IRF3: variants seen among roughly 807,000 people sequenced by gnomAD.
IRF3 encodes interferon regulatory factor 3.
A neutral mutation model predicts 43.2 loss-of-function variants in IRF3; 29 were observed. The observed-to-expected ratio is 0.67, with a 90% CI of 0.50 to 0.91. IRF3 has a LOEUF of 0.91. Ranked by LOEUF, IRF3 falls within the 40% of genes least tolerant of loss-of-function variation. The pLI, the probability that IRF3 is intolerant of heterozygous loss-of-function variation, is 0.00. For synonymous variants in IRF3, 228 were observed against 233.9 expected, an observed-to-expected ratio of 0.97 and a Z score of 0.23; for missense variants, 505 against 559.1, an observed-to-expected ratio of 0.90 and a Z score of 0.98.
chr19:49,665,299 G>A (rs2081628040), intron 1 of IRF3: 2 of 173,968 alleles, frequency 1.1e-5, no homozygotes, highest in South Asian at 2.5e-4. Flanking sequence ...TTCCAACACA[G>A]AACTTCCATT....
rs2304206 is a variant in IRF3, at chr19:49,665,614, G to A, written c.-9+17C>T. On this transcript the variant is annotated intron_variant, in intron 1 of 7. Transcript: ENST00000377139. Reference sequence around the variant, plus strand: ...TCTCGGACGCCACCAACGCTCTCCCGGGCTCTTCCGCGTTACCTACGATGG... The same window carrying A: ...TCTCGGACGCCACCAACGCTCTCCCAGGCTCTTCCGCGTTACCTACGATGG... The A allele has an allele frequency of 0.29, 177,565 of 604,954 alleles. 29,952 individuals are homozygous for A. Among genetic ancestry groups the A allele is most frequent in the African/African-American group, 0.62 (33,386 of 53,998 alleles). 37.5% of individuals were successfully genotyped at this position (604,954 alleles called of 1,614,324 possible).
rs530788304 is a variant in IRF3 at position 49,665,681 on chromosome 19, G to A, written c.-59C>T. On this transcript the variant is annotated 5_prime_UTR_variant, in exon 1 of 8. Coordinates refer to ENST00000377139, the MANE Select transcript of IRF3 (RefSeq NM_001571.6). ...GGCAGCTGGAACCCACCCCTGTCTT[G>A]GAGCTCCGGGTAGCTCTCAAACTCG... 1.8e-5 allele frequency: 21 copies of A among 1,165,470 alleles called. No homozygotes were observed. The highest frequency in any genetic ancestry group is 4.8e-5 in the East Asian group (2 of 41,654). The allele number at this position is 1,165,470 out of a possible 1,614,324, so 72.2% of individuals were successfully genotyped here.
At chr19:49,660,268 G>A (rs1482300218) in intron 7 of IRF3, among the ~76,000 whole-genome samples, 1 of 152,148 alleles carries the variant, frequency 6.6e-6, no homozygotes, top group Non-Finnish European at 1.5e-5. Flanking sequence ...ACAGCAGGAT[G>A]TGAGCAGCGG....
At chr19:49,662,766 G>A (rs1232777320) in intron 4 of IRF3, 149 bp from the exon 5 acceptor site, 2 of 669,122 alleles carry the variant, frequency 3.0e-6, no homozygotes, top group Admixed American at 3.2e-5. Context: ...AGCCAGCCAT[G>A]GCATCAACAG....
intron 4 of IRF3, 84 bp from the exon 5 acceptor site, chr19:49,662,701 C>T (rs759607894): frequency 6.6e-5 from 76 of 1,148,712 alleles, no homozygotes; most frequent in Middle Eastern, 2.0e-4. Flanking sequence ...TTCTCAGCAA[C>T]GCAGGGAGGT....
intron 7 of IRF3, among the ~76,000 whole-genome samples, chr19:49,660,459 G>A (rs1326885796): frequency 3.3e-5 from 5 of 152,150 alleles, no homozygotes; most frequent in South Asian, 4.1e-4. Flanking sequence ...CTCCCTGTCC[G>A]TGGAAATATT....
chr19:49,664,480 C>G, intron 2 of IRF3, 194 bp downstream of exon 2: 1 of 1,543,408 alleles, frequency 6.5e-7, no homozygotes, highest in Non-Finnish European at 8.7e-7. Context: ...CCTGCAGCTC[C>G]AACCCTGCTT....
intron 7 of IRF3, among the ~76,000 whole-genome samples, chr19:49,660,034 G>A (rs2081243624): frequency 2.8e-5 from 2 of 71,422 alleles, no homozygotes; most frequent in African/African-American, 1.5e-4. Flanking sequence ...CACACCCCCT[G>A]CTGTAACTGA....
rs764508746 is a variant in IRF3 at position 49,662,346 on chromosome 19, C to A, written c.602-18G>T. 6.2e-7 allele frequency: 1 copy of A among 1,611,314 alleles called. No homozygotes were observed. The highest frequency in any genetic ancestry group is 8.5e-7 in the Non-Finnish European group (1 of 1,178,174). On this transcript the variant is annotated intron_variant, in intron 5 of 7. Transcript: ENST00000377139. ...CTCCCACTCTGAGCAGCGGCAGCAGCGGCATGAAGGGGAGAGGGGTTGAGA... is the reference window on the plus strand; with the variant it reads ...CTCCCACTCTGAGCAGCGGCAGCAGAGGCATGAAGGGGAGAGGGGTTGAGA...
Position 49,659,611 on chromosome 19 carries a change from A to G in IRF3, c.*37T>C, listed in dbSNP as rs1447160160. On this transcript the variant is annotated 3_prime_UTR_variant, in exon 8 of 8. Transcript: ENST00000377139. ...AGTTTATTGGTTGAGGTGGTGGGGA[A>G]CAGGGGGGTTGGAGGCACACCATGA... 6 of 1,587,064 alleles carry G rather than the reference A, an allele frequency of 3.8e-6. No homozygotes were observed. Among genetic ancestry groups the G allele is most frequent in the Non-Finnish European group, 5.1e-6 (6 of 1,166,854 alleles).
chr19:49,660,025 A>ACACACACACACACACC (rs1568451939), intron 7 of IRF3, among the ~76,000 whole-genome samples, 192 bp from the exon 8 acceptor site: 2 of 110,190 alleles, frequency 1.8e-5, no homozygotes, highest in African/African-American at 9.5e-5. Context: ...ACACACACAC[A>ACACACACACACACACC]CACCCCCTGC....
At chr19:49,660,916 C>T (rs2122594368) in intron 6 of IRF3, 88 bp from the exon 7 acceptor site, 2 of 1,460,826 alleles carry the variant, frequency 1.4e-6, no homozygotes, top group East Asian at 2.5e-5. Context: ...CCCACCACCT[C>T]CCCTGACCTA....
rs1393707633 is a variant in IRF3, at chr19:49,662,540, T to C, written c.486A>G (p.Val162=). The part of the protein sequence containing the change: ...LPDPGPPSLA[V]APEPCPQPLR... ...GGGGCTGAGGGCAGGGCTCAGGGGC[T>C]ACAGCCAGGCTTGGGGGTCCCGGAT... The change falls in exon 5 of 8, where the codon GTA becomes GTG. Residue 162 remains valine, a synonymous_variant. Transcript: ENST00000377139. 6.5e-7 allele frequency: 1 copy of C among 1,534,882 alleles called. No homozygotes were observed. Among genetic ancestry groups the C allele is most frequent in the Non-Finnish European group, 8.7e-7 (1 of 1,145,280 alleles).
chr19:49,665,112 ATAGACC>A (rs2081608836), intron 1 of IRF3: 1 of 436,792 alleles, frequency 2.3e-6, no homozygotes, highest in Non-Finnish European at 4.1e-6. Context: ...TTCCGCCAGT[ATAGACC>A]TCCTCCCTCC....
Position 49,662,423 on chromosome 19 carries a change from ACCTT to A in IRF3, c.599_601+1del, listed in dbSNP as rs1291889279. On this transcript the variant is annotated splice_donor_variant and coding_sequence_variant, in exon 5 of 8. Transcript: ENST00000377139. LOFTEE classifies it high-confidence loss of function. ...CCCTCCCAGCCTGCAGCTGACACTC[ACCTT>A]CCCCCGGCACCAACAGCCGCTTCAG... 2.5e-6 allele frequency: 4 copies of A among 1,591,644 alleles called. No individual in the cohort carries two copies. Among genetic ancestry groups the A allele is most frequent in the Non-Finnish European group, 3.4e-6 (4 of 1,168,818 alleles).
chr19:49,665,592 C>CT, intron 1 of IRF3, 39 bp downstream of exon 1: 1 of 544,094 alleles, frequency 1.8e-6, no homozygotes, highest in South Asian at 2.4e-5. Flanking sequence ...TCCTCGCTCT[C>CT]GGACGCCACC....
At chr19:49,660,560 A>C (rs947451409) in intron 7 of IRF3, among the ~76,000 whole-genome samples, 153 bp downstream of exon 7, 2 of 152,084 alleles carry the variant, frequency 1.3e-5, no homozygotes, top group Non-Finnish European at 2.9e-5. Context: ...AGGCCATGGG[A>C]AGGAGCTCCC....
chr19:49,660,016 CACACACACACA>C (rs2081226361), intron 7 of IRF3, among the ~76,000 whole-genome samples, 183 bp from the exon 8 acceptor site: 3 of 123,572 alleles, frequency 2.4e-5, no homozygotes, highest in African/African-American at 8.1e-5. Flanking sequence ...CACACACACA[CACACACACACA>C]CCCCCTGCTG....
Position 49,660,813 on chromosome 19 carries a change from G to C in IRF3, c.998C>G (p.Thr333Arg). ...GPFIVDLITF[T>R]EGSGRSPRYA... ...GCGTGGTGAGCGTCCGCTTCCTTCC[G>C]TGAAGGTAATCAGATCTGGGGGCCC... is the stretch of plus-strand genomic sequence containing the variant. The change falls in exon 7 of 8, where the codon ACG becomes AGG. Residue 333 changes from threonine (T) to arginine (R), a missense_variant. By Grantham distance (71) the Thr-to-Arg change is moderately conservative (BLOSUM62 -1). Coordinates refer to ENST00000377139, the MANE Select transcript of IRF3 (RefSeq NM_001571.6). The C allele has an allele frequency of 6.2e-7, 1 of 1,602,704 alleles. No homozygotes were observed. The highest frequency in any genetic ancestry group is 8.5e-7 in the Non-Finnish European group (1 of 1,174,958).
Sources: gnomAD v4.1 joint callset for allele counts (sites outside exome capture counted in the v4.1 genomes callset) on GRCh38, gnomAD v4.1.1 for gene constraint, MANE v1.5 for transcripts, NCBI Gene and HGNC (gene_info 2026-07-23, HGNC 2026-07-21) for gene names.